NUP93: variants seen among roughly 807,000 people sequenced by gnomAD.
NUP93 encodes the protein nuclear pore complex protein Nup93.
NUP93 carries 55 observed loss-of-function variants against 107.8 expected under a neutral mutation model. The ratio of observed to expected loss-of-function variants is 0.51; its 90% CI spans 0.41 to 0.64. The LOEUF (loss-of-function observed/expected upper bound fraction) is 0.64, where lower values mean the gene tolerates loss of function less well. NUP93 is among the 30% of genes least tolerant of loss of function. The pLI is 0.00. For missense variants in NUP93, 937 were observed against 1,044.7 expected (o/e 0.90, Z 1.42); for synonymous variants, 390 against 397.5 (o/e 0.98, Z 0.22).
intron 1 of NUP93, among the ~76,000 whole-genome samples, chr16:56,743,876 T>C (rs1230220739): frequency 6.6e-6 from 1 of 152,170 alleles, no homozygotes; most frequent in Non-Finnish European, 1.5e-5. Flanking sequence ...GTAGCACTTC[T>C]GCCAAGTCCT....
At chr16:56,738,845 C>G (rs952509057) in intron 1 of NUP93, among the ~76,000 whole-genome samples, 21 of 151,832 alleles carry the variant, frequency 1.4e-4, no homozygotes, top group African/African-American at 5.1e-4. Context: ...AAGAATCATT[C>G]ACAAGAATGT....
chr16:56,748,471 G>T, intron 2 of NUP93, 45 bp downstream of exon 2: 2 of 1,494,422 alleles, frequency 1.3e-6, no homozygotes, highest in Non-Finnish European at 1.8e-6. Flanking sequence ...GTGGCTTGCG[G>T]GCAGGATCTG....
intron 2 of NUP93, among the ~76,000 whole-genome samples, chr16:56,752,585 G>C (rs925926206): frequency 1.3e-5 from 2 of 152,114 alleles, no homozygotes; most frequent in Non-Finnish European, 2.9e-5. Flanking sequence ...CCCTAAATTG[G>C]TCTGCAGATT....
intron 7 of NUP93, among the ~76,000 whole-genome samples, chr16:56,823,452 C>A (rs1384733735): frequency 6.6e-6 from 1 of 152,116 alleles, no homozygotes; most frequent in Non-Finnish European, 1.5e-5. Context: ...GTGGTTATGT[C>A]AGACCTGGAA....
intron 17 of NUP93, 151 bp from the exon 18 acceptor site, chr16:56,837,457 G>C: frequency 1.7e-6 from 1 of 600,324 alleles, no homozygotes; most frequent in Non-Finnish European, 3.0e-6. Flanking sequence ...CAGCTGCTCA[G>C]GAGGCTGAGG....
chr16:56,820,463 G>A (rs964279687), intron 6 of NUP93, among the ~76,000 whole-genome samples: 2 of 152,114 alleles, frequency 1.3e-5, no homozygotes, highest in African/African-American at 4.8e-5. Flanking sequence ...TTATAGGCAT[G>A]CACCACCACA....
Position 56,804,739 on chromosome 16 carries a change from T to A in NUP93, c.361-765T>A, listed in dbSNP as rs777525042. Among the ~76,000 whole-genome samples the A allele has an allele frequency of 1.6e-4, 25 of 151,944 alleles. 1 individual carries two copies. Among genetic ancestry groups the A allele is most frequent in the Non-Finnish European group, 3.4e-4 (23 of 68,006 alleles). On this transcript the variant is annotated intron_variant, in intron 4 of 21. Coordinates refer to ENST00000308159, the MANE Select transcript of NUP93 (RefSeq NM_014669.5). ...GCCTGGCCAACATGGTGAAACCCCG[T>A]CTCTAGTAAAAATATAATTAGCTAG...
intron 2 of NUP93, among the ~76,000 whole-genome samples, chr16:56,750,114 G>A (rs1426242300): frequency 1.3e-5 from 2 of 152,204 alleles, no homozygotes; most frequent in Admixed American, 1.3e-4. Context: ...GAGCAAAAAG[G>A]GAAAATGTTT....
chr16:56,839,993 C>A (rs1445834966), intron 20 of NUP93: 1 of 184,946 alleles, frequency 5.4e-6, no homozygotes, highest in Admixed American at 6.0e-5. Flanking sequence ...GATTCACTGC[C>A]ACCTTTGCCC....
chr16:56,768,148 C>T (rs559741116), intron 3 of NUP93, among the ~76,000 whole-genome samples: 16 of 152,296 alleles, frequency 1.1e-4, no homozygotes, highest in Admixed American at 4.6e-4. Flanking sequence ...ATTTGTGGAC[C>T]GGTGCTCCTT....
chr16:56,739,645 C>T (rs1395591191), intron 1 of NUP93, among the ~76,000 whole-genome samples: 9 of 126,716 alleles, frequency 7.1e-5, no homozygotes, highest in African/African-American at 1.9e-4. Flanking sequence ...ACCTCCCTCC[C>T]GGACGGGGCG....
chr16:56,832,408 C>T lies in NUP93; in HGVS notation c.1345+20C>T, dbSNP rs757741655. ...ACTATGGTAAGATTCTGGACATAAC[C>T]ACCTTTCCCTTCTCTTGTCCACTTA... On this transcript the variant is annotated intron_variant, in intron 12 of 21. Transcript: ENST00000308159. 8 of 1,580,820 alleles carry T rather than the reference C, an allele frequency of 5.1e-6. No individual in the cohort carries two copies. Among genetic ancestry groups the T allele is most frequent in the Non-Finnish European group, 7.0e-6 (8 of 1,149,812 alleles).
At chr16:56,745,352 G>C (rs1319456724) in intron 1 of NUP93, among the ~76,000 whole-genome samples, 1 of 149,470 alleles carries the variant, frequency 6.7e-6, no homozygotes, top group Non-Finnish European at 1.5e-5. Context: ...TGAGTGATGA[G>C]GGGGGGTGGG....
At chr16:56,739,705 G>A (rs1329010221) in intron 1 of NUP93, among the ~76,000 whole-genome samples, 368 of 122,278 alleles carry the variant, frequency 3.0e-3, no homozygotes, top group Admixed American at 5.5e-3. Context: ...GGACGGGGCG[G>A]CTGGCCGGGC....
At position 56,836,688 on chromosome 16, in the gene NUP93, G is replaced by A; in HGVS notation, c.1870G>A (p.Glu624Lys). 6.2e-7 allele frequency: 1 copy of A among 1,613,940 alleles called. No individual in the cohort carries two copies. Among genetic ancestry groups the A allele is most frequent in the Non-Finnish European group, 8.5e-7 (1 of 1,179,814 alleles). ...SVAENKGLFE[E>K]AAKLYDLAKN... ...GGCAGAAAATAAAGGACTGTTTGAA[G>A]AGGCAGCAAAGCTGTATGACCTTGC... The change falls in exon 17 of 22, where the codon GAG (glutamate) becomes AAG (lysine). Residue 624 changes from glutamate to lysine, a missense_variant. Transcript: ENST00000308159.
At chr16:56,768,907 C>T (rs1289548194) in intron 3 of NUP93, among the ~76,000 whole-genome samples, 1 of 151,396 alleles carries the variant, frequency 6.6e-6, no homozygotes, top group Non-Finnish European at 1.5e-5. Flanking sequence ...CCCCAGCTAA[C>T]ATCAGGGAAG....
intron 5 of NUP93, among the ~76,000 whole-genome samples, chr16:56,812,437 G>A (rs1171668117): frequency 6.6e-6 from 1 of 151,022 alleles, no homozygotes; most frequent in African/African-American, 2.4e-5. Context: ...TCCGCCTCCC[G>A]GGTTCGTGCC....
At chr16:56,760,090 A>G (rs1018992711) in intron 3 of NUP93, among the ~76,000 whole-genome samples, 4 of 152,198 alleles carry the variant, frequency 2.6e-5, no homozygotes, top group Non-Finnish European at 5.9e-5. Flanking sequence ...CTCTCCTTCA[A>G]CACTGCCATT....
chr16:56,770,775 C>A (rs1428509385), intron 3 of NUP93, among the ~76,000 whole-genome samples: 1 of 151,898 alleles, frequency 6.6e-6, no homozygotes, highest in African/African-American at 2.4e-5. Flanking sequence ...TAAAAGTGGC[C>A]CTCATAGGCC....
Sources: allele counts gnomAD v4.1 joint callset (sites outside exome capture counted in the v4.1 genomes callset), GRCh38; gene constraint gnomAD v4.1.1; transcripts MANE v1.5; gene names NCBI Gene and HGNC (gene_info 2026-07-23, HGNC 2026-07-21).